The following AGBL4 variants were observed in gnomAD, a reference collection of about 807,000 sequenced individuals.
AGBL4 encodes AGBL carboxypeptidase 4, also known as cytosolic carboxypeptidase 6.
Under a neutral mutation model 66.4 loss-of-function variants are expected in AGBL4, and 58 were observed. The observed-to-expected ratio is 0.87, with a 90% CI of 0.71 to 1.09. The LOEUF (loss-of-function observed/expected upper bound fraction) is 1.09. Among genes scored for constraint, AGBL4 ranks in the 50% least tolerant of loss-of-function variants. The probability of loss-of-function intolerance (pLI) is 0.00; values close to 1 mark genes in which losing one functional copy is unlikely to be tolerated. For synonymous variants in AGBL4, 234 were observed against 222.9 expected (o/e 1.05, Z -0.44); for missense variants, 579 against 631.0 (o/e 0.92, Z 0.88).
At chr1:49,936,585 G>A (rs1375119818) in intron 1 of AGBL4, among the ~76,000 whole-genome samples, 1 of 152,176 alleles carries the variant, frequency 6.6e-6, no homozygotes, top group East Asian at 1.9e-4. Flanking sequence ...GGCAGCCAGA[G>A]AGAAAGGTCG....
At chr1:49,685,722 T>C (rs1646776039) in intron 3 of AGBL4, among the ~76,000 whole-genome samples, 2 of 152,184 alleles carry the variant, frequency 1.3e-5, no homozygotes. Flanking sequence ...TGTCCTTTCA[T>C]CTTTGCTCAT....
intron 3 of AGBL4, among the ~76,000 whole-genome samples, chr1:49,629,977 C>T (rs1421009446): frequency 6.6e-6 from 1 of 152,134 alleles, no homozygotes; most frequent in African/African-American, 2.4e-5. Context: ...TCGATAGGGA[C>T]ATTGCACTCT....
At chr1:48,835,892 A>C (rs901054106) in intron 6 of AGBL4, among the ~76,000 whole-genome samples, 1 of 152,094 alleles carries the variant, frequency 6.6e-6, no homozygotes, top group African/African-American at 2.4e-5. Context: ...CCAGTATGGA[A>C]TGAATACTGG....
At chr1:49,076,494 T>C (rs767066877) in intron 4 of AGBL4, among the ~76,000 whole-genome samples, 16 of 152,202 alleles carry the variant, frequency 1.1e-4, no homozygotes, top group Non-Finnish European at 1.9e-4. Flanking sequence ...AATGCTACTC[T>C]AAGAAAAGGA....
chr1:49,416,952 T>C (rs1645438934), intron 3 of AGBL4, among the ~76,000 whole-genome samples: 3 of 152,078 alleles, frequency 2.0e-5, no homozygotes, highest in African/African-American at 4.8e-5. Context: ...CTAAAAAGAC[T>C]AGGTGAGTCA....
At chr1:48,875,734 T>C (rs1283336097) in intron 5 of AGBL4, among the ~76,000 whole-genome samples, 1 of 152,186 alleles carries the variant, frequency 6.6e-6, no homozygotes, top group Non-Finnish European at 1.5e-5. Flanking sequence ...AATTAATAGC[T>C]GCTGTGGCTG....
chr1:49,804,204 AGCC>A (rs1475542855), intron 2 of AGBL4, among the ~76,000 whole-genome samples: 80 of 152,214 alleles, frequency 5.3e-4, no homozygotes, highest in Non-Finnish European at 4.4e-5. Flanking sequence ...TGTTAGTGTA[AGCC>A]AGCCGTGTCC....
At position 49,330,422 on chromosome 1, in the gene AGBL4, A is replaced by T. The variant is rs549948656; in HGVS notation, c.283-84558T>A. ...TGACAGAGCGAGACTGTGTCTCAAAATAAAATAAAATAAAATTCTTCTGAG... is the reference window on the plus strand; with the variant it reads ...TGACAGAGCGAGACTGTGTCTCAAATTAAAATAAAATAAAATTCTTCTGAG... On this transcript the variant is annotated intron_variant, in intron 3 of 13. Coordinates refer to ENST00000371839, the MANE Select transcript of AGBL4 (RefSeq NM_032785.4). 1.5e-3 allele frequency among the ~76,000 whole-genome samples: 232 copies of T among 152,332 alleles called. 1 individual carries two copies. Among genetic ancestry groups the T allele is most frequent in the African/African-American group, 4.7e-3 (197 of 41,576 alleles).
chr1:49,928,262 T>C (rs906219399), intron 1 of AGBL4, among the ~76,000 whole-genome samples: 21 of 152,292 alleles, frequency 1.4e-4, no homozygotes, highest in Admixed American at 7.2e-4. Flanking sequence ...TTTTTATTTT[T>C]ATTTTTTGAG....
chr1:49,842,118 C>T (rs1363870733), intron 2 of AGBL4: 2 of 357,626 alleles, frequency 5.6e-6, no homozygotes, highest in Non-Finnish European at 1.1e-5. Context: ...CCAAGCTCCC[C>T]AACCACAGCC....
At chr1:49,321,452 A>G (rs1645131144) in intron 3 of AGBL4, among the ~76,000 whole-genome samples, 2 of 152,208 alleles carry the variant, frequency 1.3e-5, no homozygotes, top group South Asian at 4.1e-4. Context: ...AAAAGTATGG[A>G]AAACAGTATT....
intron 6 of AGBL4, among the ~76,000 whole-genome samples, chr1:48,748,551 G>C (rs767484873): frequency 6.6e-6 from 1 of 152,188 alleles, no homozygotes; most frequent in Non-Finnish European, 1.5e-5. Flanking sequence ...ATCTTCATAA[G>C]GACGGTCACC....
chr1:49,537,299 T>C (rs908978424), intron 3 of AGBL4, among the ~76,000 whole-genome samples: 8 of 152,000 alleles, frequency 5.3e-5, no homozygotes, highest in African/African-American at 1.9e-4. Context: ...AAATGATAGT[T>C]AACTAAACTA....
intron 1 of AGBL4, among the ~76,000 whole-genome samples, chr1:49,967,287 G>A (rs999502617): frequency 6.6e-5 from 10 of 152,112 alleles, no homozygotes; most frequent in African/African-American, 2.4e-4. Flanking sequence ...TAATAGACTG[G>A]ATAAAGAAAA....
chr1:49,950,132 A>ATATATACACATATATATACATATG (rs1656012449), intron 1 of AGBL4, among the ~76,000 whole-genome samples: 2 of 142,094 alleles, frequency 1.4e-5, no homozygotes, highest in Admixed American at 1.4e-4. Context: ...ATATGTGTAT[A>ATATATACACATATATATACATATG]TATATACACA....
chr1:49,302,277 T>C (rs913481611), intron 3 of AGBL4, among the ~76,000 whole-genome samples: 1 of 151,686 alleles, frequency 6.6e-6, no homozygotes, highest in Admixed American at 6.6e-5. Flanking sequence ...TTCTGAGGCG[T>C]AGTCTCACTC....
At chr1:49,916,955 CA>C (rs1651587521) in intron 1 of AGBL4, among the ~76,000 whole-genome samples, 2 of 152,150 alleles carry the variant, frequency 1.3e-5, no homozygotes, top group African/African-American at 4.8e-5. Flanking sequence ...AAAGAATTTT[CA>C]ACCTAGAATT....
chr1:48,842,136 T>G (rs1337831547), intron 6 of AGBL4, among the ~76,000 whole-genome samples: 1 of 152,172 alleles, frequency 6.6e-6, no homozygotes, highest in African/African-American at 2.4e-5. Context: ...ATTTACATCT[T>G]TTTCTGCATT....
chr1:49,880,357 G>C (rs960877697), intron 1 of AGBL4, among the ~76,000 whole-genome samples: 14 of 151,952 alleles, frequency 9.2e-5, no homozygotes, highest in African/African-American at 3.4e-4. Flanking sequence ...TGTCCTTTCT[G>C]TTTGTTAGTT....
Sources: allele counts gnomAD v4.1 joint callset (sites outside exome capture counted in the v4.1 genomes callset), GRCh38; gene constraint gnomAD v4.1.1; transcripts MANE v1.5; gene names NCBI Gene and HGNC (gene_info 2026-07-23, HGNC 2026-07-21).